The following ZNF703 variants were observed in gnomAD, a reference collection of about 807,000 sequenced individuals.
ZNF703 encodes the protein zinc finger protein 703.
A neutral mutation model predicts 30.7 loss-of-function variants in ZNF703; 18 were observed. The ratio of observed to expected loss-of-function variants is 0.59; its 90% CI spans 0.40 to 0.87. The LOEUF is 0.87. Ranked by LOEUF, ZNF703 falls within the 40% of genes least tolerant of loss-of-function variation. ZNF703 has a pLI of 0.00. For synonymous variants in ZNF703, 457 were observed against 438.6 expected, an observed-to-expected ratio of 1.04 and a Z score of -0.52; for missense variants, 814 against 847.8, an observed-to-expected ratio of 0.96 and a Z score of 0.50.
chr8:37,697,994 G>C lies in ZNF703; in HGVS notation c.1093G>C (p.Gly365Arg), dbSNP rs1294046905. 4.5e-6 allele frequency: 7 copies of C among 1,559,680 alleles called. No homozygotes were observed. The highest frequency in any genetic ancestry group is 1.2e-5 in the South Asian group (1 of 85,760). ...GKPPSSSPLT[G>R]ASPPSFLQGL... ...GCCCCCCAGCTCCAGCCCGCTCACC[G>C]GGGCCTCCCCGCCCTCCTTCCTGCA... The change falls in exon 2 of 2, where the codon GGG becomes CGG. Residue 365 changes from glycine to arginine, a missense_variant. Gly to Arg is a moderately radical substitution (Grantham distance 125, BLOSUM62 -2). Coordinates refer to ENST00000331569, the MANE Select transcript of ZNF703 (RefSeq NM_025069.3).
chr8:37,697,452 C>G lies in ZNF703; in HGVS notation c.551C>G (p.Ser184Trp), dbSNP rs557410822. Residue 184 changes from serine to tryptophan, a missense_variant, in exon 2 of 2, where the codon TCG becomes TGG. Transcript: ENST00000331569. ...TCTTCCACCTCCTCCTCGTCCTCCT[C>G]GTCCCCGGGAGACAAGGCGGGCTTC... ...SVSSTSSSSS[S>W]SPGDKAGFRV... 6.5e-6 allele frequency: 10 copies of G among 1,541,818 alleles called. No individual in the cohort carries two copies. Among genetic ancestry groups the G allele is most frequent in the East Asian group, 2.5e-5 (1 of 39,990 alleles).
In ZNF703 at chr8:37,697,429, T is replaced by C; in HGVS notation, c.528T>C (p.Ser176=). 6.5e-7 allele frequency: 1 copy of C among 1,546,136 alleles called. No homozygotes were observed. The highest frequency in any genetic ancestry group is 8.7e-7 in the Non-Finnish European group (1 of 1,146,738). ...AAGACAGCGGCTCCTCCTCGGTGTC[T>C]TCCACCTCCTCCTCGTCCTCCTCGT... The part of the protein sequence containing the change: ...SRKDSGSSSV[S]STSSSSSSSP... The change falls in exon 2 of 2, where the codon TCT becomes TCC. Residue 176 remains serine, a synonymous_variant. Coordinates refer to ENST00000331569, the MANE Select transcript of ZNF703 (RefSeq NM_025069.3).
rs1482761737 is a variant in ZNF703 at position 37,696,387 on chromosome 8, A to G, written c.243+165A>G. Among the ~76,000 whole-genome samples, 1 of 151,918 alleles carries G rather than the reference A, an allele frequency of 6.6e-6. No homozygotes were observed. The highest frequency in any genetic ancestry group is 1.5e-5 in the Non-Finnish European group (1 of 67,944). ...GAAAACCGAGGGATCAGAGCCCACC[A>G]GGGCTTCCCCAGGCTTCCCCGTGGA... On this transcript the variant is annotated intron_variant, in intron 1 of 1. Transcript: ENST00000331569. This position sits in a 1 kb window ranked among gnomAD's most constrained non-coding sequence, Gnocchi z 8.2.
rs943408026 is a variant in ZNF703, at chr8:37,698,822, A to T, written c.*148A>T. On this transcript the variant is annotated 3_prime_UTR_variant, in exon 2 of 2. Transcript: ENST00000331569. ...CCCTTCCCCACCGGACTGTGTATTT[A>T]TTTACTATAATGTTAGCTTACAAGC... 3.4e-6 allele frequency: 2 copies of T among 595,016 alleles called. No individual in the cohort carries two copies. The highest frequency in any genetic ancestry group is 1.1e-4 in the South Asian group (2 of 18,262). 36.9% of individuals were successfully genotyped at this position (595,016 alleles called of 1,614,324 possible). A position where few individuals can be genotyped will look rare whatever the true frequency, so the allele number is the denominator to read the frequency against.
chr8:37,695,909 C>G lies in ZNF703; in HGVS notation c.-71C>G. 7.6e-7 allele frequency: 1 copy of G among 1,308,818 alleles called. No homozygotes were observed. Among genetic ancestry groups the G allele is most frequent in the South Asian group, 1.6e-5 (1 of 63,082 alleles). 81.1% of individuals were successfully genotyped at this position (1,308,818 alleles called of 1,614,324 possible). A position where few individuals can be genotyped will look rare whatever the true frequency, so the allele number is the denominator to read the frequency against. On this transcript the variant is annotated 5_prime_UTR_variant, in exon 1 of 2. Coordinates refer to ENST00000331569, the MANE Select transcript of ZNF703 (RefSeq NM_025069.3). ...GATCGACGCTGCGGAGCGAGCCCAC[C>G]CGCCCCGGGAGCTCGCCTCCCCGGT...
Position 37,698,401 on chromosome 8 carries a change from C to T in ZNF703, c.1500C>T (p.Ala500=). The T allele has an allele frequency of 6.6e-7, 1 of 1,519,894 alleles. No homozygotes were observed. Among genetic ancestry groups the T allele is most frequent in the Non-Finnish European group, 8.8e-7 (1 of 1,134,736 alleles). The allele number at this position is 1,519,894 out of a possible 1,614,324, so 94.2% of individuals were successfully genotyped here. Residue 500 remains alanine (A), a synonymous_variant, in exon 2 of 2, where the codon GCC becomes GCT. Transcript: ENST00000331569. ...AACTTCTGGCCGCCTACCCCGGGGC[C>T]TCGGGCCTGGGCAGCGCCGCCGCCG... ...AEKLLAAYPG[A]SGLGSAAAAA...
Position 37,697,294 on chromosome 8 carries a change from G to T in ZNF703, c.393G>T (p.Pro131=), listed in dbSNP as rs760964605. 3.8e-6 allele frequency: 6 copies of T among 1,567,118 alleles called. No individual in the cohort carries two copies. The Middle Eastern group carries it at 8.6e-4, about 225-fold the overall frequency. ...AGAAGGACCCCGGCCGCTCAGCCCC[G>T]GGCGCCGCCTCCGCAGCCGCGGCCC... ...GAEKDPGRSA[P]GAASAAAALK... is the part of the protein sequence containing the mutation. Residue 131 remains proline, a synonymous_variant, in exon 2 of 2, where the codon CCG becomes CCT. Transcript: ENST00000331569.
chr8:37,696,049 G>C lies in ZNF703; in HGVS notation c.70G>C (p.Gly24Arg), dbSNP rs750047691. The C allele has an allele frequency of 4.5e-6, 7 of 1,554,968 alleles. No homozygotes were observed. In the African/African-American group the frequency reaches 9.6e-5, roughly 21 times the overall value. Residue 24 changes from glycine to arginine, a missense_variant, in exon 1 of 2, where the codon GGG (glycine) becomes CGG (arginine). Coordinates refer to ENST00000331569, the MANE Select transcript of ZNF703 (RefSeq NM_025069.3). This position sits in a 1 kb window ranked among gnomAD's most constrained non-coding sequence, Gnocchi z 8.2. Reference protein sequence around the residue: ...ESSGSGSGGGGKRPAVPAAVS... With the variant: ...ESSGSGSGGGRKRPAVPAAVS... ...CAGCGGCAGCGGCAGCGGCGGCGGC[G>C]GGAAGAGGCCGGCGGTGCCGGCAGC... is the stretch of plus-strand genomic sequence containing the variant.
At position 37,696,205 on chromosome 8, in the gene ZNF703, C is replaced by A. The variant is rs1341299586; in HGVS notation, c.226C>A (p.Pro76Thr). 6.2e-7 allele frequency: 1 copy of A among 1,609,936 alleles called. No homozygotes were observed. The highest frequency in any genetic ancestry group is 8.5e-7 in the Non-Finnish European group (1 of 1,178,584). The change falls in exon 1 of 2, where the codon CCC becomes ACC. Residue 76 changes from proline to threonine, a missense_variant. By Grantham distance (38) the Pro-to-Thr change is conservative. Coordinates refer to ENST00000331569, the MANE Select transcript of ZNF703 (RefSeq NM_025069.3). This position sits in a 1 kb window ranked among gnomAD's most constrained non-coding sequence, Gnocchi z 8.2. ...PEYLQPLSST[P>T]VSPIELDAKK... ...GTACCTGCAGCCGCTGTCCTCCACT[C>A]CCGTCAGCCCCATTGAGGTCAGTCC... is the stretch of plus-strand genomic sequence containing the variant.
Position 37,698,420 on chromosome 8 carries a change from GCCGCCGCCGC to G in ZNF703, c.1521_1530del (p.Ala508ProfsTer32). 6.8e-7 allele frequency: 1 copy of G among 1,467,054 alleles called. No homozygotes were observed. The highest frequency in any genetic ancestry group is 9.0e-7 in the Non-Finnish European group (1 of 1,113,394). 90.9% of individuals were successfully genotyped at this position (1,467,054 alleles called of 1,614,324 possible). ...CGGGGCCTCGGGCCTGGGCAGCGCC[GCCGCCGCCGC>G]CGCCGCCGCCGCCTCCTGCCATCTG... On this transcript the variant is annotated frameshift_variant, in exon 2 of 2. Coordinates refer to ENST00000331569, the MANE Select transcript of ZNF703 (RefSeq NM_025069.3). LOFTEE classifies it high-confidence loss of function.
chr8:37,696,791 C>G lies in ZNF703; in HGVS notation c.244-354C>G, dbSNP rs797010985. On this transcript the variant is annotated intron_variant, in intron 1 of 1. Coordinates refer to ENST00000331569, the MANE Select transcript of ZNF703 (RefSeq NM_025069.3). The surrounding 1 kb of genome is among the most constrained non-coding windows in gnomAD (Gnocchi z 8.2). Reference sequence around the variant, plus strand: ...CCCCGCGGCGCCATCGCCAGAAACCCGTCCCAAGCGAAGTTCCCCCAAACT... The same window carrying G: ...CCCCGCGGCGCCATCGCCAGAAACCGGTCCCAAGCGAAGTTCCCCCAAACT... 1.3e-5 allele frequency among the ~76,000 whole-genome samples: 2 copies of G among 152,212 alleles called. No homozygotes were observed. Among genetic ancestry groups the G allele is most frequent in the Non-Finnish European group, 2.9e-5 (2 of 68,026 alleles).
chr8:37,696,316 C>G lies in ZNF703; in HGVS notation c.243+94C>G. 1 of 1,461,094 alleles carries G rather than the reference C, an allele frequency of 6.8e-7. No individual in the cohort carries two copies. The highest frequency in any genetic ancestry group is 9.1e-7 in the Non-Finnish European group (1 of 1,104,294). 90.5% of individuals were successfully genotyped at this position (1,461,094 alleles called of 1,614,324 possible). A position where few individuals can be genotyped will look rare whatever the true frequency, so the allele number is the denominator to read the frequency against. On this transcript the variant is annotated intron_variant, in intron 1 of 1. Coordinates refer to ENST00000331569, the MANE Select transcript of ZNF703 (RefSeq NM_025069.3). This position sits in a 1 kb window ranked among gnomAD's most constrained non-coding sequence, Gnocchi z 8.2. Reference sequence around the variant, plus strand: ...GCTCCCAGCGCCCCGGGGCTCGGTGCGACACCCAAGTCTGGTCACGCTGGC... The same window carrying G: ...GCTCCCAGCGCCCCGGGGCTCGGTGGGACACCCAAGTCTGGTCACGCTGGC...
chr8:37,699,367 T>A lies in ZNF703; in HGVS notation c.*693T>A, dbSNP rs1802131235. 1 of 152,286 alleles carries A rather than the reference T, an allele frequency of 6.6e-6. No individual in the cohort carries two copies. Among genetic ancestry groups the A allele is most frequent in the Non-Finnish European group, 1.5e-5 (1 of 68,262 alleles). 9.4% of individuals were successfully genotyped at this position (152,286 alleles called of 1,614,324 possible). ...CTCCGGGACTCCTCCCCCGCCACCC[T>A]CCGCGCATAGGGTCCTTGGTCTGGA... On this transcript the variant is annotated 3_prime_UTR_variant, in exon 2 of 2. Transcript: ENST00000331569.
In ZNF703 at chr8:37,698,254, C is replaced by A. The variant is rs928433112; in HGVS notation, c.1353C>A (p.Asn451Lys). The part of the protein sequence containing the change: ...PLYTYGFMLQ[N>K]EPLPHSCNWV... ...ACACCTACGGCTTCATGCTGCAGAA[C>A]GAACCGCTGCCGCACAGCTGCAACT... Residue 451 changes from asparagine (N) to lysine (K), a missense_variant, in exon 2 of 2, where the codon AAC (asparagine) becomes AAA (lysine). Asn to Lys is a moderately conservative substitution (Grantham distance 94, BLOSUM62 0). Transcript: ENST00000331569. 2.0e-6 allele frequency: 3 copies of A among 1,538,050 alleles called. No individual in the cohort carries two copies. The highest frequency in any genetic ancestry group is 1.7e-6 in the Non-Finnish European group (2 of 1,147,734).
rs1311927325 is a variant in ZNF703, at chr8:37,698,632, T to C, written c.1731T>C (p.Tyr577=). 1.3e-6 allele frequency: 2 copies of C among 1,525,134 alleles called. No homozygotes were observed. Among genetic ancestry groups the C allele is most frequent in the African/African-American group, 2.9e-5 (2 of 69,694 alleles). The allele number at this position is 1,525,134 out of a possible 1,614,324, so 94.5% of individuals were successfully genotyped here. ...CCTACTATTCGCCATACGCGCTGTA[T>C]GGACAGAGACTAGCTTCAGCCTCGG... is the stretch of plus-strand genomic sequence containing the variant. The part of the protein sequence containing the change: ...AGPYYSPYAL[Y]GQRLASASAL... Residue 577 remains tyrosine, a synonymous_variant, in exon 2 of 2, where the codon TAT becomes TAC. Coordinates refer to ENST00000331569, the MANE Select transcript of ZNF703 (RefSeq NM_025069.3).
chr8:37,697,738 C>A lies in ZNF703; in HGVS notation c.837C>A (p.Arg279=). The stretch of plus-strand genomic sequence containing the variant: ...GCGCCGAGTCCGGGGCCTCCGGGCG[C>A]AAGTCCGAGCCGCCCTCGGCGCTGG... ...HGGAESGASG[R]KSEPPSALVG... Residue 279 remains arginine, a synonymous_variant, in exon 2 of 2, where the codon CGC becomes CGA. Coordinates refer to ENST00000331569, the MANE Select transcript of ZNF703 (RefSeq NM_025069.3). 1 of 1,408,812 alleles carries A rather than the reference C, an allele frequency of 7.1e-7. No homozygotes were observed. 87.3% of individuals were successfully genotyped at this position (1,408,812 alleles called of 1,614,324 possible).
rs1015775953 is a variant in ZNF703, at chr8:37,700,013, A to G, written c.*1339A>G. 1 of 152,182 alleles carries G rather than the reference A, an allele frequency of 6.6e-6. No homozygotes were observed. Among genetic ancestry groups the G allele is most frequent in the Non-Finnish European group, 1.5e-5 (1 of 68,048 alleles). 9.4% of individuals were successfully genotyped at this position (152,182 alleles called of 1,614,324 possible). A position where few individuals can be genotyped will look rare whatever the true frequency, so the allele number is the denominator to read the frequency against. On this transcript the variant is annotated 3_prime_UTR_variant, in exon 2 of 2. Transcript: ENST00000331569. ...TTGTTAATAAATGGAATACTTGGCT[A>G]TATTCACACCGTGGTGTTTTTCTCT...
rs1333275721 is a variant in ZNF703 at position 37,696,391 on chromosome 8, C to A, written c.243+169C>A. On this transcript the variant is annotated intron_variant, in intron 1 of 1. Coordinates refer to ENST00000331569, the MANE Select transcript of ZNF703 (RefSeq NM_025069.3). The surrounding 1 kb of genome is among the most constrained non-coding windows in gnomAD (Gnocchi z 8.2). ...ACCGAGGGATCAGAGCCCACCAGGG[C>A]TTCCCCAGGCTTCCCCGTGGAAGGG... Among the ~76,000 whole-genome samples, 1 of 152,056 alleles carries A rather than the reference C, an allele frequency of 6.6e-6. No individual in the cohort carries two copies. Among genetic ancestry groups the A allele is most frequent in the Non-Finnish European group, 1.5e-5 (1 of 67,988 alleles).
chr8:37,697,379 G>A lies in ZNF703; in HGVS notation c.478G>A (p.Gly160Ser). The A allele has an allele frequency of 6.4e-7, 1 of 1,555,124 alleles. No individual in the cohort carries two copies. Among genetic ancestry groups the A allele is most frequent in the Non-Finnish European group, 8.7e-7 (1 of 1,151,044 alleles). ...DKSSFKPYSK[G>S]SGGGDSRKDS... ...GTCCAGCTTCAAGCCCTACTCCAAG[G>A]GCTCCGGCGGCGGCGACTCCCGCAA... Residue 160 changes from glycine to serine, a missense_variant, in exon 2 of 2, where the codon GGC becomes AGC. By Grantham distance (56) the Gly-to-Ser change is moderately conservative (BLOSUM62 0). Transcript: ENST00000331569.
Sources: allele counts gnomAD v4.1 joint callset (sites outside exome capture counted in the v4.1 genomes callset), GRCh38; gene constraint gnomAD v4.1.1; non-coding constraint Gnocchi (gnomAD v3.1); transcripts MANE v1.5; gene names NCBI Gene and HGNC (gene_info 2026-07-23, HGNC 2026-07-21).